Variants in CDH17 observed in about 807,000 individuals in gnomAD.
The protein encoded by CDH17 is cadherin 17.
CDH17 carries 67 observed loss-of-function variants against 86.3 expected under a neutral mutation model. The observed-to-expected ratio is 0.78, with a 90% CI of 0.64 to 0.95. CDH17 has a LOEUF of 0.95. Among genes scored for constraint, CDH17 ranks in the 40% least tolerant of loss-of-function variants. The pLI is 0.00. For missense variants in CDH17, 993 were observed against 1,017.6 expected (o/e 0.98, Z 0.33); for synonymous variants, 367 against 366.4 (o/e 1.00, Z -0.02).
chr8:94,206,351 C>T (rs971398), intron 1 of CDH17, among the ~76,000 whole-genome samples: 22,838 of 152,200 alleles, frequency 0.15, 1,892 homozygotes, highest in Admixed American at 0.17. Flanking sequence ...GGATAATCAA[C>T]GAGCAGTTAC....
chr8:94,163,009 G>T (rs1813085358), intron 10 of CDH17, among the ~76,000 whole-genome samples: 1 of 152,212 alleles, frequency 6.6e-6, no homozygotes, highest in Non-Finnish European at 1.5e-5. Context: ...GCATGTATGT[G>T]AGAGCTTGGG....
chr8:94,169,556 G>A (rs1813227984), intron 9 of CDH17, among the ~76,000 whole-genome samples: 1 of 152,162 alleles, frequency 6.6e-6, no homozygotes, highest in Admixed American at 6.5e-5. Context: ...AGCACAGGAG[G>A]ATCTCTCCAC....
At chr8:94,190,496 A>T (rs571559419) in intron 2 of CDH17, among the ~76,000 whole-genome samples, 3 of 152,308 alleles carry the variant, frequency 2.0e-5, no homozygotes, top group African/African-American at 4.8e-5. Context: ...ACCCTCTAGG[A>T]CCAGGGATTT....
At chr8:94,133,490 T>A (rs1812460349) in intron 15 of CDH17, among the ~76,000 whole-genome samples, 3 of 152,196 alleles carry the variant, frequency 2.0e-5, no homozygotes, top group Admixed American at 2.0e-4. Flanking sequence ...ACGCTTGTAA[T>A]TTTTGCACAT....
At chr8:94,185,180 G>A (rs950417078) in intron 3 of CDH17, among the ~76,000 whole-genome samples, 1 of 152,010 alleles carries the variant, frequency 6.6e-6, no homozygotes, top group Non-Finnish European at 1.5e-5. Context: ...ACTCCCCAGT[G>A]TGTTTTCTAG....
chr8:94,149,387 A>G (rs1812815316), intron 13 of CDH17, among the ~76,000 whole-genome samples: 1 of 152,188 alleles, frequency 6.6e-6, no homozygotes, highest in African/African-American at 2.4e-5. Flanking sequence ...GAGGAAGATC[A>G]GGCAGTGGGC....
At chr8:94,171,070 G>C in intron 7 of CDH17, 85 bp from the exon 8 acceptor site, 2 of 1,358,052 alleles carry the variant, frequency 1.5e-6, no homozygotes, top group Non-Finnish European at 2.0e-6. Context: ...TTCTCAATTT[G>C]AAATCTCTGA....
intron 14 of CDH17, among the ~76,000 whole-genome samples, chr8:94,147,278 TCAAG>T (rs1270182459): frequency 2.6e-5 from 4 of 152,190 alleles, no homozygotes; most frequent in Non-Finnish European, 5.9e-5. Flanking sequence ...TGTGCTGCAC[TCAAG>T]CAAGAGACAG....
rs189165326 is a variant in CDH17, at chr8:94,194,716, A to C, written c.-20-11T>G. 3 of 1,493,118 alleles carry C rather than the reference A, an allele frequency of 2.0e-6. No homozygotes were observed. The highest frequency in any genetic ancestry group is 1.8e-5 in the Admixed American group (1 of 54,244). 92.5% of individuals were successfully genotyped at this position (1,493,118 alleles called of 1,614,324 possible). ...TCTTTATTCAAATTCCTGTGAAGGA[A>C]CCAGATAAAAAAATGGTTAGTTACC... On this transcript the variant is annotated splice_polypyrimidine_tract_variant and intron_variant, in intron 1 of 17. Coordinates refer to ENST00000027335, the MANE Select transcript of CDH17 (RefSeq NM_004063.4).
At chr8:94,170,298 G>C in intron 9 of CDH17, 99 bp downstream of exon 9, 3 of 1,233,744 alleles carry the variant, frequency 2.4e-6, no homozygotes, top group Non-Finnish European at 3.4e-6. Context: ...GGAAGACATG[G>C]ATTACTGACT....
intron 10 of CDH17, among the ~76,000 whole-genome samples, chr8:94,164,038 T>C (rs1048287882): frequency 6.6e-6 from 1 of 152,230 alleles, no homozygotes; most frequent in African/African-American, 2.4e-5. Flanking sequence ...TTTAATATAT[T>C]TTATAATCTG....
intron 1 of CDH17, among the ~76,000 whole-genome samples, chr8:94,216,651 T>G (rs1054498234): frequency 6.6e-6 from 1 of 151,452 alleles, no homozygotes; most frequent in African/African-American, 2.4e-5. Context: ...ACCAGGACTA[T>G]ATCTAAAGGG....
chr8:94,198,127 G>A (rs2130676117), intron 1 of CDH17, among the ~76,000 whole-genome samples: 1 of 152,132 alleles, frequency 6.6e-6, no homozygotes, highest in Admixed American at 6.5e-5. Flanking sequence ...GAGCTGTAGA[G>A]ATATACAAAT....
chr8:94,144,881 G>A (rs1223119337), intron 15 of CDH17, among the ~76,000 whole-genome samples: 1 of 152,152 alleles, frequency 6.6e-6, no homozygotes, highest in Non-Finnish European at 1.5e-5. Context: ...CAGTGAAGAT[G>A]GATGGCAAAT....
rs769935985 is a variant in CDH17 at position 94,170,575 on chromosome 8, A to G, written c.916-28T>C. The stretch of plus-strand genomic sequence containing the variant: ...ACAACAGGAAAGTCAGAGTTAAGGC[A>G]AGACTCACCCACCACCCTCTGTCAA... On this transcript the variant is annotated intron_variant, in intron 8 of 17. Coordinates refer to ENST00000027335, the MANE Select transcript of CDH17 (RefSeq NM_004063.4). 8 of 1,608,018 alleles carry G rather than the reference A, an allele frequency of 5.0e-6. No individual in the cohort carries two copies. The East Asian group carries it at 1.6e-4, about 31-fold the overall frequency.
Position 94,148,756 on chromosome 8 carries a change from C to T in CDH17, c.1915G>A (p.Ala639Thr). ...TTTTTTTGCTTACCTACTTCTGTGGCCACCACTTGTACCCGATATGGACTT... is the reference window on the plus strand; with the variant it reads ...TTTTTTTGCTTACCTACTTCTGTGGTCACCACTTGTACCCGATATGGACTT... ...AGSPYRVQVVATEVGGSSLSS... is the reference protein window; with the variant it reads ...AGSPYRVQVVTTEVGGSSLSS... The change falls in exon 14 of 18, where the codon GCC becomes ACC. Residue 639 changes from alanine to threonine, a missense_variant. Coordinates refer to ENST00000027335, the MANE Select transcript of CDH17 (RefSeq NM_004063.4). The T allele has an allele frequency of 1.3e-6, 2 of 1,496,820 alleles. No individual in the cohort carries two copies. The highest frequency in any genetic ancestry group is 2.6e-5 in the East Asian group (1 of 38,436). The allele number at this position is 1,496,820 out of a possible 1,614,324, so 92.7% of individuals were successfully genotyped here.
chr8:94,184,566 C>T (rs10098632), intron 3 of CDH17, among the ~76,000 whole-genome samples: 15,765 of 152,110 alleles, frequency 0.1, 1,470 homozygotes, highest in African/African-American at 0.25. Context: ...TTGCCCAAGG[C>T]TGAGGGGAGT....
rs1554585113 is a variant in CDH17 at position 94,141,281 on chromosome 8, A to AC, written c.2167+4646dup. 8.7e-4 allele frequency among the ~76,000 whole-genome samples: 131 copies of AC among 151,366 alleles called. 1 individual carries two copies. The highest frequency in any genetic ancestry group is 3.9e-3 in the Admixed American group (59 of 15,184). ...CCATTTCCAATTTAGGAAAAAAAAA[A>AC]CCCTCACAAATAGGAATAAAAGGCA... On this transcript the variant is annotated intron_variant, in intron 15 of 17. Coordinates refer to ENST00000027335, the MANE Select transcript of CDH17 (RefSeq NM_004063.4).
intron 1 of CDH17, among the ~76,000 whole-genome samples, chr8:94,216,453 C>T (rs1248242601): frequency 6.6e-6 from 1 of 152,002 alleles, no homozygotes; most frequent in Non-Finnish European, 1.5e-5. Flanking sequence ...GGGAGGAGGC[C>T]GGCGGAGGAC....
Sources: gnomAD v4.1 joint callset for allele counts (sites outside exome capture counted in the v4.1 genomes callset) on GRCh38, gnomAD v4.1.1 for gene constraint, MANE v1.5 for transcripts, NCBI Gene and HGNC (gene_info 2026-07-23, HGNC 2026-07-21) for gene names.